RUNX1: variants seen among roughly 807,000 people sequenced by gnomAD.
RUNX1 encodes RUNX family transcription factor 1.
Under a neutral mutation model 42.8 loss-of-function variants are expected in RUNX1, and 19 were observed. The ratio of observed to expected loss-of-function variants is 0.44; its 90% CI spans 0.31 to 0.65. The LOEUF (loss-of-function observed/expected upper bound fraction) is 0.65. RUNX1 is among the 30% of genes least tolerant of loss of function. The probability of loss-of-function intolerance (pLI) is 0.07; values close to 1 mark genes in which losing one functional copy is unlikely to be tolerated. For missense variants in RUNX1, 528 were observed against 672.0 expected, an observed-to-expected ratio of 0.79 and a Z score of 2.37; for synonymous variants, 271 against 289.4, an observed-to-expected ratio of 0.94 and a Z score of 0.64.
At chr21:34,987,850 G>A (rs2058903948) in intron 2 of RUNX1, among the ~76,000 whole-genome samples, 1 of 152,180 alleles carries the variant, frequency 6.6e-6, no homozygotes, top group South Asian at 2.1e-4. Context: ...TTCGTGTGCA[G>A]ACTTGCTCTA....
At chr21:34,794,236 T>C (rs1035364172) in intron 8 of RUNX1, among the ~76,000 whole-genome samples, 1 of 152,110 alleles carries the variant, frequency 6.6e-6, no homozygotes, top group African/African-American at 2.4e-5. Flanking sequence ...AGTATTTAGG[T>C]TGAATGATAG....
chr21:34,853,538 C>T (rs1425450479), intron 6 of RUNX1, among the ~76,000 whole-genome samples: 2 of 152,162 alleles, frequency 1.3e-5, no homozygotes, highest in African/African-American at 4.8e-5. Context: ...TTACTAGTTG[C>T]GTGACTTTGG....
intron 2 of RUNX1, among the ~76,000 whole-genome samples, chr21:34,909,019 A>C (rs903057214): frequency 6.6e-6 from 1 of 152,170 alleles, no homozygotes; most frequent in Non-Finnish European, 1.5e-5. Context: ...AATGCAATAG[A>C]TTATCCTATA....
intron 2 of RUNX1, among the ~76,000 whole-genome samples, chr21:35,027,027 G>A (rs541840661): frequency 4.6e-5 from 7 of 152,336 alleles, no homozygotes; most frequent in Middle Eastern, 3.4e-3. Flanking sequence ...AAGAAGTAGA[G>A]CGGCCCCACC....
chr21:34,871,284 C>T (rs140563331), intron 5 of RUNX1, among the ~76,000 whole-genome samples: 293 of 152,314 alleles, frequency 1.9e-3, no homozygotes, highest in African/African-American at 6.6e-3. Flanking sequence ...ACACCGTCCA[C>T]GAACTCCCAT....
intron 2 of RUNX1, among the ~76,000 whole-genome samples, chr21:34,944,811 T>G (rs1264095199): frequency 1.3e-5 from 2 of 152,212 alleles, no homozygotes; most frequent in Non-Finnish European, 2.9e-5. Flanking sequence ...GAGAGACAGA[T>G]AGTATAATAA....
At chr21:34,942,933 A>G (rs1230355261) in intron 2 of RUNX1, among the ~76,000 whole-genome samples, 8 of 152,222 alleles carry the variant, frequency 5.3e-5, no homozygotes, top group Non-Finnish European at 8.8e-5. Context: ...GCACATATCA[A>G]CTGTGAACCC....
chr21:34,859,637 T>C, intron 5 of RUNX1, 59 bp from the exon 6 acceptor site: 1 of 1,269,452 alleles, frequency 7.9e-7, no homozygotes, highest in South Asian at 1.2e-5. Context: ...ACATATCTGT[T>C]GAATAACCAA....
At chr21:34,858,919 A>C (rs2057531857) in intron 6 of RUNX1, among the ~76,000 whole-genome samples, 1 of 152,078 alleles carries the variant, frequency 6.6e-6, no homozygotes, top group Non-Finnish European at 1.5e-5. Flanking sequence ...TTCTATATTT[A>C]CTGGTTTTCC....
intron 6 of RUNX1, among the ~76,000 whole-genome samples, chr21:34,841,282 C>T (rs1464935813): frequency 6.6e-6 from 1 of 151,978 alleles, no homozygotes; most frequent in South Asian, 2.1e-4. Flanking sequence ...AGGATACCTC[C>T]ACTTCCTAGG....
chr21:34,900,674 C>T lies in RUNX1; in HGVS notation c.59-7711G>A, dbSNP rs2058170040. Among the ~76,000 whole-genome samples the T allele has an allele frequency of 1.3e-5, 2 of 152,220 alleles. 1 individual carries two copies. The highest frequency in any genetic ancestry group is 4.1e-4 in the South Asian group (2 of 4,834). On this transcript the variant is annotated intron_variant, in intron 2 of 8. Coordinates refer to ENST00000675419, the MANE Select transcript of RUNX1 (RefSeq NM_001754.5). ...TAATCTCACACATTGTTCATTTCCA[C>T]TTAACATTCACCAGTCATGCATGCC... is the stretch of plus-strand genomic sequence containing the variant.
intron 2 of RUNX1, among the ~76,000 whole-genome samples, chr21:35,002,524 C>T (rs924167544): frequency 4.0e-5 from 6 of 151,774 alleles, no homozygotes; most frequent in African/African-American, 1.5e-4. Flanking sequence ...ACCTCCCAGG[C>T]TCAAGCAATG....
intron 2 of RUNX1, among the ~76,000 whole-genome samples, chr21:34,976,442 G>T (rs1391375237): frequency 6.6e-6 from 1 of 152,162 alleles, no homozygotes; most frequent in Non-Finnish European, 1.5e-5. Flanking sequence ...GAGCTTTGGA[G>T]GTCCACAAGT....
intron 7 of RUNX1, among the ~76,000 whole-genome samples, chr21:34,804,944 G>C (rs551497619): frequency 1.3e-5 from 2 of 151,898 alleles, no homozygotes; most frequent in South Asian, 2.1e-4. Context: ...GTAGAGACAG[G>C]GTTTCACCAT....
Position 34,989,096 on chromosome 21 carries a change from C to A in RUNX1, c.58+59746G>T, listed in dbSNP as rs371152145. Among the ~76,000 whole-genome samples, 7 of 152,084 alleles carry A rather than the reference C, an allele frequency of 4.6e-5. No individual in the cohort carries two copies. In the East Asian group the frequency reaches 1.2e-3, roughly 25 times the overall value. On this transcript the variant is annotated intron_variant, in intron 2 of 8. Transcript: ENST00000675419. ...TGATCTCAGCTCACTGCAACCTTCA[C>A]CTTCCACGTTCAAGCGATTCTCCTG... is the stretch of plus-strand genomic sequence containing the variant.
intron 2 of RUNX1, among the ~76,000 whole-genome samples, chr21:35,012,631 A>G (rs777792024): frequency 6.6e-6 from 1 of 152,220 alleles, no homozygotes; most frequent in Non-Finnish European, 1.5e-5. Context: ...TGGACATATG[A>G]CATAGGACAT....
At chr21:35,010,630 CACA>C (rs1196867503) in intron 2 of RUNX1, among the ~76,000 whole-genome samples, 1 of 141,942 alleles carries the variant, frequency 7.0e-6, no homozygotes, top group African/African-American at 2.6e-5. Context: ...CACACGCACA[CACA>C]CACACACACA....
At chr21:34,863,705 C>T (rs1386660754) in intron 5 of RUNX1, among the ~76,000 whole-genome samples, 1 of 151,886 alleles carries the variant, frequency 6.6e-6, no homozygotes, top group Non-Finnish European at 1.5e-5. Flanking sequence ...CATGTGCATA[C>T]CACCACACCC....
chr21:34,829,791 G>A (rs2057037802), intron 7 of RUNX1: 1 of 152,196 alleles, frequency 6.6e-6, no homozygotes, highest in Admixed American at 6.5e-5. Context: ...GAAGAGTAAG[G>A]AAGAGAGGGA....
Sources: allele counts gnomAD v4.1 joint callset (sites outside exome capture counted in the v4.1 genomes callset), GRCh38; gene constraint gnomAD v4.1.1; transcripts MANE v1.5; gene names NCBI Gene and HGNC (gene_info 2026-07-23, HGNC 2026-07-21).